The following ADARB1 variants were observed in gnomAD, a reference collection of about 807,000 sequenced individuals.
The protein encoded by ADARB1 is adenosine deaminase RNA specific B1, also known as double-stranded RNA-specific editase 1.
In ADARB1, 10 loss-of-function variants were observed where a neutral mutation model predicts 52.4. That is an observed-to-expected ratio of 0.19 (90% CI 0.12 to 0.32). The LOEUF is 0.32. Ranked by LOEUF, ADARB1 falls within the 10% of genes least tolerant of loss-of-function variation. ADARB1 has a pLI of 1.00. For synonymous variants in ADARB1, 349 were observed against 371.1 expected (o/e 0.94, Z 0.68); for missense variants, 643 against 922.3 (o/e 0.70, Z 3.92).
intron 9 of ADARB1, among the ~76,000 whole-genome samples, chr21:45,207,881 G>T (rs1338024492): frequency 6.6e-6 from 1 of 152,154 alleles, no homozygotes; most frequent in Admixed American, 6.5e-5. Flanking sequence ...GTAGGGATAG[G>T]GTGTTGCTTT....
chr21:45,125,662 C>A (rs918401057), intron 1 of ADARB1, among the ~76,000 whole-genome samples: 3 of 152,236 alleles, frequency 2.0e-5, no homozygotes, highest in South Asian at 2.1e-4. Flanking sequence ...GGCCATCAGG[C>A]CTTCCTGCCC....
In ADARB1 at chr21:45,157,691, G is replaced by A. The variant is rs538429080; in HGVS notation, c.-47-13919G>A. Among the ~76,000 whole-genome samples the A allele has an allele frequency of 6.5e-4, 99 of 152,282 alleles. No individual in the cohort carries two copies. Among genetic ancestry groups the A allele is most frequent in the African/African-American group, 2.4e-3 (98 of 41,558 alleles). ...TGTGTGAACATGTATGGACATATGT[G>A]CATAGGGTGGGGGTAACGAGGGAGA... On this transcript the variant is annotated intron_variant, in intron 2 of 10. Coordinates refer to ENST00000348831, the MANE Select transcript of ADARB1 (RefSeq NM_001112.4). The surrounding 1 kb of genome is among the most constrained non-coding windows in gnomAD (Gnocchi z 4.1).
intron 1 of ADARB1, among the ~76,000 whole-genome samples, chr21:45,082,215 T>C (rs1298307968): frequency 6.6e-6 from 1 of 152,206 alleles, no homozygotes; most frequent in Non-Finnish European, 1.5e-5. Flanking sequence ...GCAGTTGTCA[T>C]CTAATATGTG....
At chr21:45,190,871 C>G (rs780611170) in intron 8 of ADARB1, among the ~76,000 whole-genome samples, 9 of 152,190 alleles carry the variant, frequency 5.9e-5, no homozygotes, top group African/African-American at 1.2e-4. Flanking sequence ...AGAGAAGAGC[C>G]CCAGTATGGA....
At chr21:45,097,483 C>T (rs1384324595) in intron 1 of ADARB1, among the ~76,000 whole-genome samples, 3 of 150,046 alleles carry the variant, frequency 2.0e-5, no homozygotes, top group Non-Finnish European at 3.0e-5. Context: ...TGGTTGGGGG[C>T]ATGAACTCAG....
intron 1 of ADARB1, among the ~76,000 whole-genome samples, chr21:45,076,596 G>A (rs981119061): frequency 2.0e-5 from 3 of 152,194 alleles, no homozygotes; most frequent in Non-Finnish European, 4.4e-5. Context: ...CTGGTGTGAC[G>A]TGCTCATGCA....
At chr21:45,160,452 G>A (rs753803626) in intron 2 of ADARB1, among the ~76,000 whole-genome samples, 3 of 152,236 alleles carry the variant, frequency 2.0e-5, no homozygotes, top group Admixed American at 1.3e-4. Context: ...CATTTGTAAC[G>A]CTCACCATGC....
At chr21:45,154,542 A>G (rs891835912) in intron 2 of ADARB1, among the ~76,000 whole-genome samples, 1 of 152,172 alleles carries the variant, frequency 6.6e-6, no homozygotes, top group African/African-American at 2.4e-5. Context: ...CGCCTTTTAA[A>G]ATGTAATTCT....
chr21:45,223,949 C>G lies in ADARB1; in HGVS notation c.*1752C>G, dbSNP rs544969109. The G allele has an allele frequency of 2.0e-6, 2 of 985,492 alleles. No homozygotes were observed. The highest frequency in any genetic ancestry group is 2.4e-6 in the Non-Finnish European group (2 of 830,008). The allele number at this position is 985,492 out of a possible 1,614,324, so 61.0% of individuals were successfully genotyped here. ...CTCCTCCACCGAAGAGGGTAGTTGTCTCCCTGAAGCAGTCACAGCAGGCGT... is the reference window on the plus strand; with the variant it reads ...CTCCTCCACCGAAGAGGGTAGTTGTGTCCCTGAAGCAGTCACAGCAGGCGT... On this transcript the variant is annotated 3_prime_UTR_variant, in exon 11 of 11. Coordinates refer to ENST00000348831, the MANE Select transcript of ADARB1 (RefSeq NM_001112.4).
intron 2 of ADARB1, among the ~76,000 whole-genome samples, chr21:45,160,067 G>A (rs139574070): frequency 3.3e-4 from 51 of 152,346 alleles, no homozygotes; most frequent in African/African-American, 1.2e-3. Flanking sequence ...TAGGCTGCTG[G>A]AAGGTTGACC....
chr21:45,075,229 G>C (rs2085874838), intron 1 of ADARB1, among the ~76,000 whole-genome samples: 2 of 151,696 alleles, frequency 1.3e-5, no homozygotes, highest in African/African-American at 4.8e-5. Flanking sequence ...CCGGGTACAA[G>C]GTTGCGCCGG....
intron 1 of ADARB1, among the ~76,000 whole-genome samples, chr21:45,114,768 T>C (rs1257942390): frequency 6.6e-6 from 1 of 152,240 alleles, no homozygotes; most frequent in Non-Finnish European, 1.5e-5. Flanking sequence ...CATTATTTTA[T>C]TCAGCCTTTG....
rs113705380 is a variant in ADARB1, at chr21:45,089,452, A to AT, written c.-220+14669dup. ...TTATCTTGGTCTTTGGATTTGGTCG[A>AT]TTTTTTTTTTCTAAAAAGAAATTTT... On this transcript the variant is annotated intron_variant, in intron 1 of 10. Coordinates refer to ENST00000348831, the MANE Select transcript of ADARB1 (RefSeq NM_001112.4). 6.1e-3 allele frequency among the ~76,000 whole-genome samples: 914 copies of AT among 150,012 alleles called. 14 individuals carry two copies. Among genetic ancestry groups the AT allele is most frequent in the African/African-American group, 0.021 (853 of 40,880 alleles).
chr21:45,124,775 G>A (rs1224129521), intron 1 of ADARB1, among the ~76,000 whole-genome samples: 3 of 127,458 alleles, frequency 2.4e-5, no homozygotes, highest in East Asian at 2.1e-4. Flanking sequence ...TGGTGTGTGT[G>A]TGTGTGTGTG....
Position 45,176,271 on chromosome 21 carries a change from T to A in ADARB1, c.570T>A (p.Phe190Leu). 6.2e-7 allele frequency: 1 copy of A among 1,614,158 alleles called. No homozygotes were observed. Among genetic ancestry groups the A allele is most frequent in the Non-Finnish European group, 8.5e-7 (1 of 1,180,020 alleles). Reference protein sequence around the residue: ...FETPDKAEPPFYVGSNGDDSF... With the variant: ...FETPDKAEPPLYVGSNGDDSF... ...CTCCTGACAAGGCGGAGCCTCCCTT[T>A]TACGTGGGCTCCAATGGGGATGACT... Residue 190 changes from phenylalanine (F) to leucine (L), a missense_variant, in exon 4 of 11, where the codon TTT becomes TTA. Around this residue, in one of 2 missense-constraint regions of ADARB1, gnomAD observed 380 missense variants for 446.5 expected, o/e 0.85. Transcript: ENST00000348831. This position sits in a 1 kb window ranked among gnomAD's most constrained non-coding sequence, Gnocchi z 5.8.
rs745855846 is a variant in ADARB1, at chr21:45,175,694, G to A, written c.29-36G>A. 4.4e-6 allele frequency: 7 copies of A among 1,604,156 alleles called. No homozygotes were observed. In the East Asian group the frequency reaches 6.7e-5, roughly 15 times the overall value. ...TTTTGCATTTACAAGATCCTGCAAC[G>A]AAGGCATTGTAAGTTACTCTTTCTG... On this transcript the variant is annotated intron_variant, in intron 3 of 10. Transcript: ENST00000348831.
rs1425883252 is a variant in ADARB1 at position 45,157,712 on chromosome 21, G to A, written c.-47-13898G>A. Among the ~76,000 whole-genome samples, 2 of 152,160 alleles carry A rather than the reference G, an allele frequency of 1.3e-5. No homozygotes were observed. The highest frequency in any genetic ancestry group is 4.1e-4 in the South Asian group (2 of 4,832). On this transcript the variant is annotated intron_variant, in intron 2 of 10. Coordinates refer to ENST00000348831, the MANE Select transcript of ADARB1 (RefSeq NM_001112.4). This position sits in a 1 kb window ranked among gnomAD's most constrained non-coding sequence, Gnocchi z 4.1. ...ATGTGCATAGGGTGGGGGTAACGAG[G>A]GAGAGGGACAAGAAGGGCCAGGGCT...
At chr21:45,202,039 A>T (rs2146331371) in intron 8 of ADARB1, among the ~76,000 whole-genome samples, 1 of 151,934 alleles carries the variant, frequency 6.6e-6, no homozygotes, top group Admixed American at 6.6e-5. Flanking sequence ...GGGCTGGGGG[A>T]TCTGGCCGGA....
rs1007595005 is a variant in ADARB1, at chr21:45,118,118, C to T, written c.-219-10284C>T. 1.1e-4 allele frequency among the ~76,000 whole-genome samples: 16 copies of T among 152,332 alleles called. 1 individual carries two copies. In the East Asian group the frequency reaches 2.3e-3, roughly 22 times the overall value. ...TATAGTATTATGATAGTATATTTTG[C>T]CATAGAACCAAGTGGTATGAAATGT... On this transcript the variant is annotated intron_variant, in intron 1 of 10. Transcript: ENST00000348831.
Sources: gnomAD v4.1 joint callset for allele counts (sites outside exome capture counted in the v4.1 genomes callset) on GRCh38, gnomAD v4.1.1 for gene constraint, gnomAD v4.1.1 regional missense constraint, Gnocchi (gnomAD v3.1) non-coding constraint, MANE v1.5 for transcripts, NCBI Gene and HGNC (gene_info 2026-07-23, HGNC 2026-07-21) for gene names.